The following MYO3A variants were observed in gnomAD, a reference collection of about 807,000 sequenced individuals.
MYO3A encodes myosin IIIA.
A neutral mutation model predicts 192.7 loss-of-function variants in MYO3A; 180 were observed. The ratio of observed to expected loss-of-function variants is 0.93; its 90% CI spans 0.83 to 1.06. The LOEUF is 1.06. Among genes scored for constraint, MYO3A ranks in the 50% least tolerant of loss-of-function variants. MYO3A has a pLI of 0.00. For missense variants in MYO3A, 1,896 were observed against 1,905.0 expected (o/e 1.00, Z 0.09); for synonymous variants, 628 against 645.3 (o/e 0.97, Z 0.41).
At chr10:25,959,756 C>G (rs918711911) in intron 4 of MYO3A, among the ~76,000 whole-genome samples, 1 of 151,970 alleles carries the variant, frequency 6.6e-6, no homozygotes, top group Non-Finnish European at 1.5e-5. Context: ...TTGAATCCCT[C>G]CAGTTCAGTG....
In MYO3A at chr10:26,174,204, G is replaced by C; in HGVS notation, c.3940G>C (p.Ala1314Pro). 1 of 1,614,224 alleles carries C rather than the reference G, an allele frequency of 6.2e-7. No homozygotes were observed. The highest frequency in any genetic ancestry group is 8.5e-7 in the Non-Finnish European group (1 of 1,180,048). The change falls in exon 30 of 35, where the codon GCA becomes CCA. Residue 1314 changes from alanine (A) to proline (P), a missense_variant. Coordinates refer to ENST00000642920, the MANE Select transcript of MYO3A (RefSeq NM_017433.5). ...EKKTSVVTQR[A>P]PICSQEEGRG... The stretch of plus-strand genomic sequence containing the variant: ...GAAGACATCTGTAGTTACCCAGCGT[G>C]CACCGATATGCAGCCAGGAGGAAGG...
intron 10 of MYO3A, among the ~76,000 whole-genome samples, chr10:26,045,585 G>A (rs764464994): frequency 9.2e-5 from 14 of 152,166 alleles, no homozygotes; most frequent in Admixed American, 7.9e-4. Flanking sequence ...GCTTCAGAGT[G>A]ATAAAGGTGA....
intron 4 of MYO3A, 89 bp downstream of exon 4, chr10:25,955,097 A>C: frequency 1.3e-6 from 2 of 1,534,992 alleles, no homozygotes; most frequent in Non-Finnish European, 1.8e-6. Context: ...CATTGATATC[A>C]TAAAAACAGT....
At chr10:25,982,629 A>G (rs549644972) in intron 4 of MYO3A, among the ~76,000 whole-genome samples, 45 of 152,302 alleles carry the variant, frequency 3.0e-4, no homozygotes, top group African/African-American at 1.1e-3. Context: ...CTCTTTGCAG[A>G]CGCTCCTCAG....
In MYO3A at chr10:26,212,276, T is replaced by C. The variant is rs534179202; in HGVS notation, c.*313T>C. 1.4e-5 allele frequency: 6 copies of C among 442,664 alleles called. No individual in the cohort carries two copies. Among genetic ancestry groups the C allele is most frequent in the Non-Finnish European group, 2.4e-5 (6 of 250,992 alleles). 27.4% of individuals were successfully genotyped at this position (442,664 alleles called of 1,614,324 possible). A position where few individuals can be genotyped will look rare whatever the true frequency, so the allele number is the denominator to read the frequency against. ...TAATCTATCACTTTGTTCTTTTTTTTTGTGACTCCTGTGGACTCCACTGCG... is the reference window on the plus strand; with the variant it reads ...TAATCTATCACTTTGTTCTTTTTTTCTGTGACTCCTGTGGACTCCACTGCG... On this transcript the variant is annotated 3_prime_UTR_variant, in exon 35 of 35. Transcript: ENST00000642920.
chr10:26,125,363 A>C, intron 18 of MYO3A, 35 bp from the exon 19 acceptor site: 1 of 1,605,216 alleles, frequency 6.2e-7, no homozygotes, highest in Non-Finnish European at 8.5e-7. Flanking sequence ...TCATTGCCAT[A>C]ATTTCTTCTA....
intron 29 of MYO3A, among the ~76,000 whole-genome samples, chr10:26,171,915 G>A (rs17666959): frequency 0.031 from 4,794 of 152,264 alleles, 117 homozygotes; most frequent in Middle Eastern, 0.054. Flanking sequence ...TTCTTCTGAG[G>A]ATACCAGGGA....
chr10:26,207,490 T>C lies in MYO3A; in HGVS notation c.4731-4353T>C, dbSNP rs533401218. ...AGATAACAATCTAATTTCATTCTTC[T>C]GCATGTGGACATGTGGTTTTTGCAG... On this transcript the variant is annotated intron_variant, in intron 34 of 34. Coordinates refer to ENST00000642920, the MANE Select transcript of MYO3A (RefSeq NM_017433.5). Among the ~76,000 whole-genome samples, 43 of 152,380 alleles carry C rather than the reference T, an allele frequency of 2.8e-4. No individual in the cohort carries two copies. The South Asian group carries it at 3.1e-3, about 11-fold the overall frequency.
intron 17 of MYO3A, among the ~76,000 whole-genome samples, chr10:26,101,525 T>C (rs1837450746): frequency 6.6e-6 from 1 of 152,246 alleles, no homozygotes; most frequent in Admixed American, 6.5e-5. Context: ...GTTTTTGCAG[T>C]GGCTGGTACC....
chr10:26,210,582 C>T lies in MYO3A; in HGVS notation c.4731-1261C>T, dbSNP rs968339682. Among the ~76,000 whole-genome samples the T allele has an allele frequency of 3.3e-5, 5 of 152,242 alleles. No individual in the cohort carries two copies. In the East Asian group the frequency reaches 7.7e-4, roughly 23 times the overall value. On this transcript the variant is annotated intron_variant, in intron 34 of 34. Transcript: ENST00000642920. ...ATCTCTTAACAGGCCTTCCTACTTT[C>T]ATCCTGGCAGACAGATCCTGTTATG...
rs182126858 is a variant in MYO3A, at chr10:26,165,854, C to T, written c.3000-213C>T. 16 of 612,760 alleles carry T rather than the reference C, an allele frequency of 2.6e-5. No homozygotes were observed. In the African/African-American group the frequency reaches 2.9e-4, roughly 11 times the overall value. The allele number at this position is 612,760 out of a possible 1,614,324, so 38.0% of individuals were successfully genotyped here. A position where few individuals can be genotyped will look rare whatever the true frequency, so the allele number is the denominator to read the frequency against. ...TGAAAGGTGATCACAAAGGTGAAAA[C>T]ACAATGCTCAAATTTATACAGACTG... On this transcript the variant is annotated intron_variant, in intron 26 of 34. Coordinates refer to ENST00000642920, the MANE Select transcript of MYO3A (RefSeq NM_017433.5).
rs1840451183 is a variant in MYO3A at position 25,996,522 on chromosome 10, G to C, written c.336G>C (p.Val112=). Residue 112 remains valine (V), a synonymous_variant, in exon 5 of 35, where the codon GTG becomes GTC. Transcript: ENST00000642920. The part of the protein sequence containing the change: ...LCSGGSVTDL[V]KGFLKRGERM... ...GTGGAGGATCAGTGACTGACCTTGT[G>C]AAAGGATTTCTGAAGAGGGGTGAAA... is the stretch of plus-strand genomic sequence containing the variant. The C allele has an allele frequency of 6.2e-7, 1 of 1,613,796 alleles. No individual in the cohort carries two copies. The highest frequency in any genetic ancestry group is 1.1e-5 in the South Asian group (1 of 91,084).
intron 10 of MYO3A, among the ~76,000 whole-genome samples, chr10:26,033,806 A>C (rs990521079): frequency 1.3e-5 from 2 of 152,338 alleles, no homozygotes; most frequent in Admixed American, 6.5e-5. Flanking sequence ...ATGAGGGATA[A>C]ACTGGACTGA....
At chr10:26,160,122 TGA>T (rs988273641) in intron 26 of MYO3A, among the ~76,000 whole-genome samples, 1 of 152,202 alleles carries the variant, frequency 6.6e-6, no homozygotes, top group African/African-American at 2.4e-5. Flanking sequence ...ATAGATATTA[TGA>T]GTGTAATATT....
At position 26,170,497 on chromosome 10, in the gene MYO3A, C is replaced by G; in HGVS notation, c.3356C>G (p.Ser1119Cys). Residue 1119 changes from serine (S) to cysteine (C), a missense_variant, in exon 29 of 35, where the codon TCT becomes TGT. Physicochemically the swap from Ser to Cys is moderately radical, Grantham distance 112. Coordinates refer to ENST00000642920, the MANE Select transcript of MYO3A (RefSeq NM_017433.5). The stretch of plus-strand genomic sequence containing the variant: ...ACAGCAGTAACAACCATTCAAACTT[C>G]TGATCAGGAATTCGACTACAAGAAA... ...KNTAVTTIQT[S>C]DQEFDYKKNF... is the part of the protein sequence containing the mutation. 2 of 1,613,142 alleles carry G rather than the reference C, an allele frequency of 1.2e-6. No individual in the cohort carries two copies. The highest frequency in any genetic ancestry group is 8.5e-7 in the Non-Finnish European group (1 of 1,179,580).
intron 17 of MYO3A, among the ~76,000 whole-genome samples, chr10:26,110,822 G>A (rs148759699): frequency 8.6e-5 from 13 of 151,682 alleles, no homozygotes; most frequent in African/African-American, 4.8e-5. Flanking sequence ...TGGAGTCAGA[G>A]ATGACCCTGA....
chr10:26,206,856 G>A (rs902105782), intron 34 of MYO3A, among the ~76,000 whole-genome samples: 2 of 152,146 alleles, frequency 1.3e-5, no homozygotes, highest in Non-Finnish European at 2.9e-5. Flanking sequence ...CCACCTTTGC[G>A]AACATTTGTA....
intron 4 of MYO3A, among the ~76,000 whole-genome samples, chr10:25,959,802 GGT>G (rs10543438): frequency 0.53 from 78,771 of 149,312 alleles, 20,953 homozygotes; most frequent in Middle Eastern, 0.62. Flanking sequence ...TCTTAACCTG[GGT>G]GTGTGTGTGT....
intron 20 of MYO3A, among the ~76,000 whole-genome samples, chr10:26,141,379 G>A (rs1564589168): frequency 6.6e-6 from 1 of 152,140 alleles, no homozygotes; most frequent in Non-Finnish European, 1.5e-5. Flanking sequence ...TTTGCTATAA[G>A]TATTTTATAA....
Sources: allele counts gnomAD v4.1 joint callset (sites outside exome capture counted in the v4.1 genomes callset), GRCh38; gene constraint gnomAD v4.1.1; transcripts MANE v1.5; gene names NCBI Gene and HGNC (gene_info 2026-07-23, HGNC 2026-07-21).